Variants in MADD observed in about 807,000 individuals in gnomAD.
MADD encodes MAP kinase-activating death domain protein.
Under a neutral mutation model 176.7 loss-of-function variants are expected in MADD, and 109 were observed. The observed-to-expected ratio is 0.62, with a 90% CI of 0.53 to 0.72. MADD has a LOEUF of 0.72. Ranked by LOEUF, MADD falls within the 30% of genes least tolerant of loss-of-function variation. The pLI is 0.00. For missense variants in MADD, 1,914 were observed against 2,045.5 expected, an observed-to-expected ratio of 0.94 and a Z score of 1.24; for synonymous variants, 771 against 771.3, an observed-to-expected ratio of 1.00 and a Z score of 0.01.
chr11:47,318,504 A>G (rs1000412577), intron 27 of MADD, among the ~76,000 whole-genome samples: 1 of 152,326 alleles, frequency 6.6e-6, no homozygotes, highest in Non-Finnish European at 1.5e-5. Flanking sequence ...GAAGTGGCAC[A>G]TGACTCTTGC....
intron 10 of MADD, 83 bp from the exon 11 acceptor site, chr11:47,284,095 C>T (rs2059010142): frequency 1.1e-6 from 1 of 931,968 alleles, no homozygotes. Context: ...AGTGCTCCCC[C>T]TTTTATTTTT....
intron 30 of MADD, among the ~76,000 whole-genome samples, chr11:47,326,278 C>T (rs1209850348): frequency 6.6e-6 from 1 of 152,192 alleles, no homozygotes; most frequent in Non-Finnish European, 1.5e-5. Flanking sequence ...GATCCTGTTT[C>T]AAGGAGGATA....
chr11:47,324,391 G>A, intron 29 of MADD, 54 bp downstream of exon 32: 2 of 1,606,732 alleles, frequency 1.2e-6, no homozygotes, highest in Non-Finnish European at 1.7e-6. Context: ...GTCCTTCTGA[G>A]TGTCAGGGGC....
chr11:47,325,744 G>A lies in MADD; in HGVS notation c.4543-994G>A, dbSNP rs1043898709. ...AGACTTCTGACCACATTTTAGCGCC[G>A]TGGCCTCTGAAGATGAGATCTTGCT... On this transcript the variant is annotated intron_variant, in intron 30 of 32. Coordinates refer to ENST00000402192, the Ensembl canonical transcript of MADD. This position sits in a 1 kb window ranked among gnomAD's most constrained non-coding sequence, Gnocchi z 4.5. Among the ~76,000 whole-genome samples, 1 of 152,214 alleles carries A rather than the reference G, an allele frequency of 6.6e-6. No homozygotes were observed. The highest frequency in any genetic ancestry group is 2.4e-5 in the African/African-American group (1 of 41,446).
intron 9 of MADD, 28 bp from the exon 10 acceptor site, chr11:47,282,785 C>G: frequency 6.2e-7 from 1 of 1,607,348 alleles, no homozygotes; most frequent in Non-Finnish European, 8.5e-7. Context: ...TTGCTGCTGA[C>G]TTTCTGTTCT....
At chr11:47,284,105 T>C in intron 10 of MADD, 73 bp from the exon 11 acceptor site, 1 of 998,404 alleles carries the variant, frequency 1.0e-6, no homozygotes, top group Non-Finnish European at 1.6e-6. Flanking sequence ...CTTTTATTTT[T>C]CCTGGTGCTG....
chr11:47,282,520 C>T lies in MADD; in HGVS notation c.1609C>T (p.Pro537Ser). Residue 537 changes from proline to serine, a missense_variant, in exon 9 of 33, where the codon CCT becomes TCT. Transcript: ENST00000402192. ...TCTAGCCTCACGTCCCCGGCAGACT[C>T]CTTTTGCCGAGAAATTGGCCAGGAC... 1.9e-6 allele frequency: 3 copies of T among 1,614,186 alleles called. No individual in the cohort carries two copies. In the South Asian group the frequency reaches 3.3e-5, roughly 18 times the overall value.
intron 30 of MADD, chr11:47,324,962 C>A: frequency 1.7e-6 from 1 of 585,828 alleles, no homozygotes; most frequent in Non-Finnish European, 3.0e-6. Flanking sequence ...TCTAGACTGG[C>A]CGATCTCCTT....
intron 22 of MADD, among the ~76,000 whole-genome samples, chr11:47,300,788 G>A (rs761684183): frequency 5.3e-5 from 8 of 152,068 alleles, no homozygotes; most frequent in Admixed American, 1.3e-4. Context: ...GTGAACCACC[G>A]TGCCCTGTGA....
At chr11:47,292,482 T>G in intron 19 of MADD, 61 bp from the exon 21 acceptor site, 1 of 1,521,678 alleles carries the variant, frequency 6.6e-7, no homozygotes, top group Non-Finnish European at 9.1e-7. Context: ...TTCCATTTCG[T>G]CTGTCTGACC....
At chr11:47,328,227 G>C in intron 31 of MADD, 11 of 1,073,230 alleles carry the variant, frequency 1.0e-5, no homozygotes, top group Non-Finnish European at 1.2e-5. Context: ...GGCTGGTGAC[G>C]AGTTCACGGG....
chr11:47,327,599 C>T, intron 31 of MADD: 1 of 985,372 alleles, frequency 1.0e-6, no homozygotes, highest in South Asian at 4.7e-5. Context: ...TCCCCCTTCT[C>T]ACCGGCTCAC....
At chr11:47,281,816 C>A in intron 8 of MADD, 63 bp downstream of exon 8, 5 of 1,175,262 alleles carry the variant, frequency 4.3e-6, no homozygotes, top group East Asian at 2.8e-5. Flanking sequence ...CTCTAAGGGA[C>A]CTTGGGGCAG....
chr11:47,274,658 T>C, exon 3 of MADD: 1 of 1,614,194 alleles, frequency 6.2e-7, no homozygotes, highest in Non-Finnish European at 8.5e-7. Flanking sequence ...CCAGATGTAG[T>C]GTTCTTCTGC....
At chr11:47,284,128 C>T in intron 10 of MADD, 50 bp from the exon 11 acceptor site, 3 of 1,247,424 alleles carry the variant, frequency 2.4e-6, no homozygotes, top group Non-Finnish European at 3.5e-6. Flanking sequence ...TGTAGGTGTT[C>T]TCCCTGCCCC....
chr11:47,310,356 A>G (rs957731675), intron 25 of MADD, among the ~76,000 whole-genome samples: 22 of 149,108 alleles, frequency 1.5e-4, no homozygotes, highest in African/African-American at 5.4e-4. Context: ...TAATTTTTCT[A>G]TTTTTAGTAG....
intron 20 of MADD, 61 bp from the exon 23 acceptor site, chr11:47,295,435 T>C: frequency 1.5e-6 from 2 of 1,356,808 alleles, no homozygotes; most frequent in Non-Finnish European, 2.1e-6. Flanking sequence ...GGTACAGTAT[T>C]TCTGTGGGAA....
intron 22 of MADD, among the ~76,000 whole-genome samples, chr11:47,301,157 G>T (rs1047765398): frequency 5.9e-5 from 9 of 151,650 alleles, no homozygotes; most frequent in African/African-American, 1.7e-4. Flanking sequence ...TTGTTGCCCA[G>T]GCTGGAGTGC....
At chr11:47,305,426 T>TAC (rs1042482536) in intron 22 of MADD, among the ~76,000 whole-genome samples, 26 of 152,192 alleles carry the variant, frequency 1.7e-4, no homozygotes, top group Admixed American at 6.5e-4. Context: ...GTGATTCTAA[T>TAC]ACTGGGGGAT....
Sources: gnomAD v4.1 joint callset for allele counts (sites outside exome capture counted in the v4.1 genomes callset) on GRCh38, gnomAD v4.1.1 for gene constraint, Gnocchi (gnomAD v3.1) non-coding constraint, MANE v1.5 for transcripts, NCBI Gene and HGNC (gene_info 2026-07-23, HGNC 2026-07-21) for gene names.